Variants in ABAT observed in about 807,000 individuals in gnomAD.
ABAT encodes the protein 4-aminobutyrate aminotransferase.
A neutral mutation model predicts 64.6 loss-of-function variants in ABAT; 45 were observed. The ratio of observed to expected loss-of-function variants is 0.70; its 90% CI spans 0.55 to 0.89. The LOEUF is 0.89. Ranked by LOEUF, ABAT falls within the 40% of genes least tolerant of loss-of-function variation. The pLI is 0.00. For missense variants in ABAT, 633 were observed against 658.4 expected (o/e 0.96, Z 0.42); for synonymous variants, 297 against 250.5 (o/e 1.19, Z -1.75).
intron 9 of ABAT, among the ~76,000 whole-genome samples, 164 bp from the exon 10 acceptor site, chr16:8,768,029 T>A (rs2059995435): frequency 6.6e-6 from 1 of 151,990 alleles, no homozygotes; most frequent in Non-Finnish European, 1.5e-5. Flanking sequence ...AAATAAAACG[T>A]GTGTCTTGGA....
intron 5 of ABAT, chr16:8,757,344 T>C (rs1596459683): frequency 1.7e-5 from 6 of 359,994 alleles, no homozygotes; most frequent in East Asian, 7.4e-5. Context: ...ATTTTTGTAT[T>C]TTTAGTAGAG....
chr16:8,718,128 G>A (rs905946432), intron 1 of ABAT, among the ~76,000 whole-genome samples: 20 of 152,250 alleles, frequency 1.3e-4, no homozygotes, highest in African/African-American at 2.6e-4. Flanking sequence ...GTCTCATAGC[G>A]CTGATGATGC....
At chr16:8,735,952 C>T in intron 2 of ABAT, 143 bp downstream of exon 2, 2 of 709,118 alleles carry the variant, frequency 2.8e-6, no homozygotes, top group East Asian at 2.7e-5. Context: ...TTAGTCTGTT[C>T]TCATGCTGCT....
chr16:8,739,335 T>G (rs10153069), intron 2 of ABAT, among the ~76,000 whole-genome samples: 131,497 of 152,262 alleles, frequency 0.86, 56,817 homozygotes, highest in East Asian at 0.89. Flanking sequence ...CTAACCGATA[T>G]ACCTTATCCA....
chr16:8,738,112 G>A lies in ABAT; in HGVS notation c.70+2303G>A, dbSNP rs767309026. Among the ~76,000 whole-genome samples the A allele has an allele frequency of 8.6e-5, 13 of 151,694 alleles. No individual in the cohort carries two copies. The East Asian group carries it at 2.3e-3, about 27-fold the overall frequency. ...GAGGCAGGAGGATCGCTTGAGCCCAGGGGTTTGAGACCAGCCTGGGCAACA... is the reference window on the plus strand; with the variant it reads ...GAGGCAGGAGGATCGCTTGAGCCCAAGGGTTTGAGACCAGCCTGGGCAACA... On this transcript the variant is annotated intron_variant, in intron 2 of 15. Transcript: ENST00000268251.
intron 14 of ABAT, among the ~76,000 whole-genome samples, chr16:8,777,375 C>G (rs2060297525): frequency 6.6e-6 from 1 of 152,180 alleles, no homozygotes; most frequent in African/African-American, 2.4e-5. Flanking sequence ...TCTCTACCCT[C>G]AAGGTTTCGT....
At position 8,750,535 on chromosome 16, in the gene ABAT, C is replaced by T; in HGVS notation, c.312C>T (p.Pro104=). The part of the protein sequence containing the change: ...LDLYSQISSV[P]IGYSHPALLK... ...TTTATTCCCAGATCTCCTCTGTCCC[C>T]ATAGGTAAGAGCTGGGAAATCATTC... The change falls in exon 5 of 16, where the codon CCC becomes CCT. Residue 104 remains proline (P), a synonymous_variant. Coordinates refer to ENST00000268251, the MANE Select transcript of ABAT (RefSeq NM_020686.6). 6.2e-7 allele frequency: 1 copy of T among 1,612,800 alleles called. No individual in the cohort carries two copies. The highest frequency in any genetic ancestry group is 2.2e-5 in the East Asian group (1 of 44,864).
chr16:8,749,468 G>A (rs1267988363), intron 4 of ABAT, among the ~76,000 whole-genome samples: 4 of 126,650 alleles, frequency 3.2e-5, no homozygotes, highest in Admixed American at 3.0e-4. Context: ...GCACAATCTC[G>A]GCTCACTGCA....
At chr16:8,728,909 C>T (rs527268671) in intron 1 of ABAT, among the ~76,000 whole-genome samples, 13 of 152,254 alleles carry the variant, frequency 8.5e-5, no homozygotes, top group Non-Finnish European at 1.5e-4. Context: ...TAATTCATGG[C>T]CACACTTTCC....
At position 8,691,601 on chromosome 16, in the gene ABAT, G is replaced by A. The variant is rs572708130; in HGVS notation, c.-42+16890G>A. ...ATTACAGTCGTGCACCACCACACTC[G>A]GCAACATTTTTGTATTTTTAATAGA... is the stretch of plus-strand genomic sequence containing the variant. On this transcript the variant is annotated intron_variant, in intron 1 of 15. Coordinates refer to ENST00000268251, the MANE Select transcript of ABAT (RefSeq NM_020686.6). Among the ~76,000 whole-genome samples the A allele has an allele frequency of 1.6e-4, 24 of 152,198 alleles. 1 individual carries two copies. The South Asian group carries it at 4.4e-3, about 28-fold the overall frequency.
chr16:8,715,512 G>C (rs1267567988), intron 1 of ABAT: 1 of 151,706 alleles, frequency 6.6e-6, no homozygotes, highest in Non-Finnish European at 1.5e-5. Context: ...TGTGATCCCA[G>C]CTACTCAGGA....
At chr16:8,725,060 GC>G (rs1406103027) in intron 1 of ABAT, among the ~76,000 whole-genome samples, 1 of 151,988 alleles carries the variant, frequency 6.6e-6, no homozygotes, top group African/African-American at 2.4e-5. Flanking sequence ...GGGATTACAG[GC>G]GCCTGCCACC....
intron 1 of ABAT, among the ~76,000 whole-genome samples, chr16:8,706,215 GAAACTCTGTCTCTAT>G (rs1236718813): frequency 6.7e-6 from 1 of 149,224 alleles, no homozygotes; most frequent in Non-Finnish European, 1.5e-5. Context: ...GCAACATGAT[GAAACTCTGTCTCTAT>G]AAAAAAAAAT....
In ABAT at chr16:8,776,546, C is replaced by T; in HGVS notation, c.1269+56C>T. ...CACCCATGGCTCCCCGCAGCAGCCTCCGGGGCAACACTGGAGCTCTTCGGC... is the reference window on the plus strand; with the variant it reads ...CACCCATGGCTCCCCGCAGCAGCCTTCGGGGCAACACTGGAGCTCTTCGGC... On this transcript the variant is annotated intron_variant, in intron 14 of 15. Transcript: ENST00000268251. This position sits in a 1 kb window ranked among gnomAD's most constrained non-coding sequence, Gnocchi z 4.4. 1 of 1,511,272 alleles carries T rather than the reference C, an allele frequency of 6.6e-7. No individual in the cohort carries two copies. The highest frequency in any genetic ancestry group is 9.0e-7 in the Non-Finnish European group (1 of 1,113,826). The allele number at this position is 1,511,272 out of a possible 1,614,324, so 93.6% of individuals were successfully genotyped here. A position where few individuals can be genotyped will look rare whatever the true frequency, so the allele number is the denominator to read the frequency against.
intron 1 of ABAT, among the ~76,000 whole-genome samples, chr16:8,726,645 A>G (rs4296259): frequency 0.97 from 147,395 of 152,322 alleles, 71,386 homozygotes; most frequent in East Asian, 1. Flanking sequence ...CAATGCTGCA[A>G]CAAACATAGG....
At chr16:8,686,566 C>A (rs926960302) in intron 1 of ABAT, among the ~76,000 whole-genome samples, 1 of 152,148 alleles carries the variant, frequency 6.6e-6, no homozygotes, top group African/African-American at 2.4e-5. Context: ...CTCACAACAG[C>A]CCTATGAGGA....
chr16:8,703,218 G>A (rs1199577611), intron 1 of ABAT, among the ~76,000 whole-genome samples: 6 of 152,066 alleles, frequency 3.9e-5, no homozygotes, highest in Admixed American at 3.9e-4. Context: ...AGGCTGAGGT[G>A]GGTGGATCAC....
intron 1 of ABAT, among the ~76,000 whole-genome samples, chr16:8,699,758 G>A (rs2057778412): frequency 6.6e-6 from 1 of 151,760 alleles, no homozygotes; most frequent in South Asian, 2.1e-4. Context: ...TAGAGGCAGG[G>A]TTTTGCCATG....
chr16:8,690,295 C>T (rs930129780), intron 1 of ABAT, among the ~76,000 whole-genome samples: 6 of 152,278 alleles, frequency 3.9e-5, no homozygotes, highest in African/African-American at 9.6e-5. Context: ...TGGTGCCAGC[C>T]GCAGTGCTGT....
Sources: gnomAD v4.1 joint callset for allele counts (sites outside exome capture counted in the v4.1 genomes callset) on GRCh38, gnomAD v4.1.1 for gene constraint, Gnocchi (gnomAD v3.1) non-coding constraint, MANE v1.5 for transcripts, NCBI Gene and HGNC (gene_info 2026-07-23, HGNC 2026-07-21) for gene names.